Variants in TES observed in about 807,000 individuals in gnomAD.
TES encodes the protein testin LIM domain protein.
A neutral mutation model predicts 48.2 loss-of-function variants in TES; 41 were observed. The observed-to-expected ratio is 0.85, with a 90% CI of 0.66 to 1.10. The LOEUF is 1.10. TES is among the 50% of genes least tolerant of loss of function. The pLI is 0.00. For missense variants in TES, 463 were observed against 515.1 expected (o/e 0.90, Z 0.98); for synonymous variants, 162 against 174.9 (o/e 0.93, Z 0.58).
chr7:116,217,096 T>C (rs368498006), intron 1 of TES, among the ~76,000 whole-genome samples: 11 of 152,272 alleles, frequency 7.2e-5, no homozygotes, highest in Admixed American at 6.5e-4. Flanking sequence ...AATGTAAATA[T>C]TGAAAGTAAG....
intron 1 of TES, among the ~76,000 whole-genome samples, 169 bp from the exon 2 acceptor site, chr7:116,234,365 G>A (rs1253132260): frequency 6.6e-6 from 1 of 152,056 alleles, no homozygotes; most frequent in African/African-American, 2.4e-5. Flanking sequence ...TGTTATGTAT[G>A]TACTTGGAAC....
intron 2 of TES, among the ~76,000 whole-genome samples, chr7:116,246,933 CAG>C (rs1306637386): frequency 7.1e-6 from 1 of 140,576 alleles, no homozygotes. Flanking sequence ...TTCTAGAAAT[CAG>C]AGACTAGGCC....
chr7:116,210,935 G>C lies in TES; in HGVS notation c.27+201G>C, dbSNP rs565906351. On this transcript the variant is annotated intron_variant, in intron 1 of 6. Transcript: ENST00000358204. The stretch of plus-strand genomic sequence containing the variant: ...GCGGCCCCGCCAGCTCCCCACACTC[G>C]GGAGCGACAGAATTGGAAGCGCGAG... The C allele has an allele frequency of 6.9e-4, 259 of 374,982 alleles. 1 individual carries two copies. Among genetic ancestry groups the C allele is most frequent in the African/African-American group, 5.1e-3 (239 of 47,050 alleles). 23.2% of individuals were successfully genotyped at this position (374,982 alleles called of 1,614,324 possible).
chr7:116,226,850 G>C (rs905149540), intron 1 of TES, among the ~76,000 whole-genome samples: 2 of 152,150 alleles, frequency 1.3e-5, no homozygotes. Flanking sequence ...AGTGGGTGGT[G>C]ACAACTTTGT....
intron 1 of TES, among the ~76,000 whole-genome samples, chr7:116,228,008 G>GTTTTTTTTTTTTTTTTT (rs77777605): frequency 8.1e-6 from 1 of 122,964 alleles, no homozygotes; most frequent in Non-Finnish European, 1.7e-5. Context: ...TCTTTTTTTT[G>GTTTTTTTTTTTTTTTTT]TTTTTTTTTT....
chr7:116,250,340 TAA>T lies in TES; in HGVS notation c.547_548del (p.Lys183GlufsTer14). The T allele has an allele frequency of 6.2e-7, 1 of 1,613,804 alleles. No individual in the cohort carries two copies. The highest frequency in any genetic ancestry group is 8.5e-7 in the Non-Finnish European group (1 of 1,179,868). On this transcript the variant is annotated frameshift_variant, in exon 4 of 7. Transcript: ENST00000358204. LOFTEE classifies it high-confidence loss of function. ...KEMEQFVKKY[K>X]SEALGVGDVK... ...AGATGGAGCAGTTTGTGAAGAAATA[TAA>T]GAGCGAAGCTCTGGGAGTAGGAGAT...
intron 1 of TES, among the ~76,000 whole-genome samples, chr7:116,229,380 G>A (rs995422061): frequency 1.3e-5 from 2 of 152,134 alleles, no homozygotes; most frequent in Non-Finnish European, 2.9e-5. Context: ...AGGAGAAGGT[G>A]TGGTCTATGC....
At position 116,222,973 on chromosome 7, in the gene TES, G is replaced by A. The variant is rs149697594; in HGVS notation, c.28-11561G>A. 2.8e-4 allele frequency: 276 copies of A among 984,952 alleles called. 1 individual carries two copies. In the African/African-American group the frequency reaches 3.8e-3, roughly 13 times the overall value. 61.0% of individuals were successfully genotyped at this position (984,952 alleles called of 1,614,324 possible). On this transcript the variant is annotated intron_variant, in intron 1 of 6. Transcript: ENST00000358204. ...CCTACATTGTCTTTCTCAAAGTAAC[G>A]GATTCAGGAGGAGTCCTTTTCTGAG...
At chr7:116,216,967 T>A (rs898965284) in intron 1 of TES, among the ~76,000 whole-genome samples, 18 of 152,138 alleles carry the variant, frequency 1.2e-4, no homozygotes, top group Admixed American at 1.1e-3. Context: ...AAAAACTATA[T>A]GAGTGCTTTT....
chr7:116,227,257 C>T (rs954420017), intron 1 of TES, among the ~76,000 whole-genome samples: 2 of 151,614 alleles, frequency 1.3e-5, no homozygotes, highest in Non-Finnish European at 2.9e-5. Flanking sequence ...GCTGGGATTA[C>T]AGGCATCTAT....
At chr7:116,245,108 G>A (rs1312317329) in intron 2 of TES, among the ~76,000 whole-genome samples, 1 of 152,186 alleles carries the variant, frequency 6.6e-6, no homozygotes, top group Admixed American at 6.5e-5. Context: ...ATGCCCTGGA[G>A]ACATTTTCTC....
chr7:116,222,345 T>G (rs1799567171), intron 1 of TES, among the ~76,000 whole-genome samples: 1 of 152,188 alleles, frequency 6.6e-6, no homozygotes, highest in Admixed American at 6.5e-5. Context: ...TAGGTTTCCT[T>G]GGATCCTCCT....
intron 1 of TES, among the ~76,000 whole-genome samples, chr7:116,224,879 A>C (rs1056605204): frequency 6.6e-6 from 1 of 150,408 alleles, no homozygotes; most frequent in Non-Finnish European, 1.5e-5. Context: ...GGAAAAAAAA[A>C]CAGTGACTTT....
chr7:116,227,812 A>G (rs1799642778), intron 1 of TES, among the ~76,000 whole-genome samples: 1 of 152,134 alleles, frequency 6.6e-6, no homozygotes, highest in Non-Finnish European at 1.5e-5. Context: ...TCATTCCAAT[A>G]TTATTAAAGA....
chr7:116,244,709 C>T (rs564826744), intron 2 of TES, among the ~76,000 whole-genome samples: 95 of 152,288 alleles, frequency 6.2e-4, no homozygotes, highest in African/African-American at 1.9e-3. Flanking sequence ...GCTCCAACCC[C>T]ACATTTCCCT....
At chr7:116,230,102 A>G (rs1057031092) in intron 1 of TES, among the ~76,000 whole-genome samples, 2 of 152,166 alleles carry the variant, frequency 1.3e-5, no homozygotes, top group African/African-American at 4.8e-5. Context: ...AGCTGCTAAA[A>G]GTGATTTTGA....
At chr7:116,238,233 C>A (rs1799798992) in intron 2 of TES, 1 of 152,184 alleles carries the variant, frequency 6.6e-6, no homozygotes, top group Non-Finnish European at 1.5e-5. Flanking sequence ...TAAGGATCAG[C>A]CTTCTGGGAA....
At chr7:116,234,968 G>A (rs192804287) in intron 2 of TES, among the ~76,000 whole-genome samples, 4 of 151,786 alleles carry the variant, frequency 2.6e-5, no homozygotes, top group South Asian at 2.1e-4. Flanking sequence ...TTTTTGAGAC[G>A]AAGTCTCATT....
At chr7:116,241,720 T>C (rs1389528806) in intron 2 of TES, among the ~76,000 whole-genome samples, 1 of 152,176 alleles carries the variant, frequency 6.6e-6, no homozygotes, top group Admixed American at 6.5e-5. Flanking sequence ...CTAGCGTTAT[T>C]GGTATGTTGT....
Sources: gnomAD v4.1 joint callset for allele counts (sites outside exome capture counted in the v4.1 genomes callset) on GRCh38, gnomAD v4.1.1 for gene constraint, MANE v1.5 for transcripts, NCBI Gene and HGNC (gene_info 2026-07-23, HGNC 2026-07-21) for gene names.